The following ZNF527 variants were observed in gnomAD, a reference collection of about 807,000 sequenced individuals.
The protein encoded by ZNF527 is zinc finger protein 527.
In ZNF527, 5 loss-of-function variants were observed where a neutral mutation model predicts 13.5. The observed-to-expected ratio is 0.37, with a 90% CI of 0.19 to 0.78. The LOEUF is 0.78. Ranked by LOEUF, ZNF527 falls within the 30% of genes least tolerant of loss-of-function variation. The probability of loss-of-function intolerance (pLI) is 0.48; values close to 1 mark genes in which losing one functional copy is unlikely to be tolerated. For synonymous variants in ZNF527, 209 were observed against 243.1 expected (o/e 0.86, Z 1.30); for missense variants, 628 against 726.4 (o/e 0.86, Z 1.56).
At chr19:37,375,446 C>G (rs946266297) in intron 2 of ZNF527, among the ~76,000 whole-genome samples, 2 of 150,678 alleles carry the variant, frequency 1.3e-5, no homozygotes, top group African/African-American at 4.9e-5. Flanking sequence ...ACTGCAGCCT[C>G]TGCCTCCTGG....
intron 1 of ZNF527, 122 bp from the exon 2 acceptor site, chr19:37,374,036 C>A: frequency 1.5e-6 from 1 of 689,142 alleles, no homozygotes; most frequent in South Asian, 1.6e-5. Flanking sequence ...CTGGCCAGAT[C>A]TTGGAAAAGG....
At chr19:37,373,185 A>G (rs1341948291) in intron 1 of ZNF527, among the ~76,000 whole-genome samples, 1 of 152,198 alleles carries the variant, frequency 6.6e-6, no homozygotes, top group Non-Finnish European at 1.5e-5. Flanking sequence ...ACACAATGAG[A>G]TAACCATGTG....
rs371203379 is a variant in ZNF527 at position 37,389,023 on chromosome 19, T to A, written c.974T>A (p.Ile325Asn). Reference sequence around the variant, plus strand: ...CTCAGTGAACATCAAAGAACTCATATTGGGGAGAAACCTTATGAATGTAAG... The same window carrying A: ...CTCAGTGAACATCAAAGAACTCATAATGGGGAGAAACCTTATGAATGTAAG... ...FFLSEHQRTH[I>N]GEKPYECKEC... is the part of the protein sequence containing the mutation. The change falls in exon 5 of 5, where the codon ATT becomes AAT. Residue 325 changes from isoleucine (I) to asparagine (N), a missense_variant. This residue lies in a region of ZNF527 where 592 missense variants were observed against 678.0 expected (regional missense o/e 0.87). Coordinates refer to ENST00000436120, the MANE Select transcript of ZNF527 (RefSeq NM_032453.2). The A allele has an allele frequency of 1.2e-6, 2 of 1,614,068 alleles. No homozygotes were observed. The highest frequency in any genetic ancestry group is 4.5e-5 in the East Asian group (2 of 44,898).
rs778569998 is a variant in ZNF527 at position 37,389,626 on chromosome 19, A to G, written c.1577A>G (p.Tyr526Cys). The stretch of plus-strand genomic sequence containing the variant: ...AGAAGTCATGCAGGAGAGAAACCCT[A>G]TGAATGTAACAAATGTGGAAAGGCC... ...HKRSHAGEKP[Y>C]ECNKCGKAFS... The change falls in exon 5 of 5, where the codon TAT becomes TGT. Residue 526 changes from tyrosine (Y) to cysteine (C), a missense_variant. Around this residue, in one of 3 missense-constraint regions of ZNF527, gnomAD observed 592 missense variants for 678.0 expected, o/e 0.87. Transcript: ENST00000436120. The G allele has an allele frequency of 1.9e-6, 3 of 1,614,152 alleles. No individual in the cohort carries two copies. The highest frequency in any genetic ancestry group is 3.3e-5 in the Admixed American group (2 of 60,024).
Position 37,390,860 on chromosome 19 carries a change from A to C in ZNF527, c.*981A>C, listed in dbSNP as rs925986300. On this transcript the variant is annotated 3_prime_UTR_variant, in exon 5 of 5. Transcript: ENST00000436120. ...ACATAAAAGAAAGCCTTAATTTTTT[A>C]CGTGGCATAATTATTTATCCTGAGG... 6.6e-6 allele frequency: 1 copy of C among 152,224 alleles called. No individual in the cohort carries two copies. Among genetic ancestry groups the C allele is most frequent in the African/African-American group, 2.4e-5 (1 of 41,458 alleles). The allele number at this position is 152,224 out of a possible 1,614,324, so 9.4% of individuals were successfully genotyped here. A position where few individuals can be genotyped will look rare whatever the true frequency, so the allele number is the denominator to read the frequency against.
intron 4 of ZNF527, among the ~76,000 whole-genome samples, chr19:37,387,510 A>G (rs1568697073): frequency 1.3e-5 from 2 of 152,316 alleles, no homozygotes; most frequent in East Asian, 3.9e-4. Flanking sequence ...GGTACTTCAG[A>G]CCTACTAATA....
At position 37,375,290 on chromosome 19, in the gene ZNF527, C is replaced by CT. The variant is rs375484749; in HGVS notation, c.33+1062dup. Among the ~76,000 whole-genome samples, 381 of 112,388 alleles carry CT rather than the reference C, an allele frequency of 3.4e-3. 1 individual carries two copies. The highest frequency in any genetic ancestry group is 8.4e-3 in the Middle Eastern group (2 of 238). The allele number at this position is 112,388 out of a possible 152,430, so 73.7% of individuals were successfully genotyped here. On this transcript the variant is annotated intron_variant, in intron 2 of 4. Coordinates refer to ENST00000436120, the MANE Select transcript of ZNF527 (RefSeq NM_032453.2). The stretch of plus-strand genomic sequence containing the variant: ...TCTTTCTTTCTTTCTTTCTTTCTTT[C>CT]TTTCTTTCTTTCTTTCTTTCTTTTC...
intron 1 of ZNF527, among the ~76,000 whole-genome samples, chr19:37,371,675 G>A (rs541333459): frequency 9.2e-4 from 140 of 152,312 alleles, no homozygotes; most frequent in African/African-American, 3.3e-3. Context: ...CGCAGGTATA[G>A]TTTTGTATCA....
At chr19:37,386,043 T>A (rs1331958729) in intron 4 of ZNF527, among the ~76,000 whole-genome samples, 2 of 152,106 alleles carry the variant, frequency 1.3e-5, no homozygotes, top group African/African-American at 4.8e-5. Flanking sequence ...TTTCCCCTGT[T>A]TTTCTGTTGT....
intron 4 of ZNF527, 53 bp from the exon 5 acceptor site, chr19:37,388,249 TTTTC>T: frequency 6.4e-7 from 1 of 1,561,064 alleles, no homozygotes; most frequent in Non-Finnish European, 8.6e-7. Context: ...TCTCTAACAA[TTTTC>T]TTCCTCATAG....
At chr19:37,382,730 A>T (rs1362958090) in intron 4 of ZNF527, among the ~76,000 whole-genome samples, 1 of 152,144 alleles carries the variant, frequency 6.6e-6, no homozygotes, top group Non-Finnish European at 1.5e-5. Flanking sequence ...TTTGTTTGAG[A>T]TGGAGTCTCG....
intron 2 of ZNF527, among the ~76,000 whole-genome samples, chr19:37,375,315 C>CTTTTT (rs1243704674): frequency 1.3e-5 from 1 of 78,608 alleles, no homozygotes; most frequent in Non-Finnish European, 2.7e-5. Context: ...TCTTTCTTTT[C>CTTTTT]TTTCTTTCTT....
At position 37,390,095 on chromosome 19, in the gene ZNF527, C is replaced by T; in HGVS notation, c.*216C>T. On this transcript the variant is annotated 3_prime_UTR_variant, in exon 5 of 5. Transcript: ENST00000436120. Reference sequence around the variant, plus strand: ...CCAGGCTGGAGTGCAGTGGTGTAATCTTGGCTCACTGCAGCCTCTGCCTCC... The same window carrying T: ...CCAGGCTGGAGTGCAGTGGTGTAATTTTGGCTCACTGCAGCCTCTGCCTCC... 2.3e-6 allele frequency: 1 copy of T among 438,210 alleles called. No individual in the cohort carries two copies. Among genetic ancestry groups the T allele is most frequent in the Non-Finnish European group, 3.8e-6 (1 of 260,716 alleles). The allele number at this position is 438,210 out of a possible 1,614,324, so 27.1% of individuals were successfully genotyped here.
intron 4 of ZNF527, among the ~76,000 whole-genome samples, chr19:37,386,916 A>G (rs565144661): frequency 2.0e-4 from 30 of 152,252 alleles, no homozygotes; most frequent in African/African-American, 6.5e-4. Context: ...ATTTCTAGGG[A>G]AAGAATGAAT....
chr19:37,376,317 A>T (rs1272993749), intron 2 of ZNF527, among the ~76,000 whole-genome samples: 1 of 152,080 alleles, frequency 6.6e-6, no homozygotes, highest in Non-Finnish European at 1.5e-5. Flanking sequence ...TGTGGTACAC[A>T]TTACAGCCTG....
intron 4 of ZNF527, among the ~76,000 whole-genome samples, chr19:37,386,927 G>A (rs1308823170): frequency 6.6e-6 from 1 of 152,004 alleles, no homozygotes; most frequent in Non-Finnish European, 1.5e-5. Context: ...AAGAATGAAT[G>A]GTATGGACCT....
At position 37,389,388 on chromosome 19, in the gene ZNF527, T is replaced by G; in HGVS notation, c.1339T>G (p.Cys447Gly). 1 of 1,614,224 alleles carries G rather than the reference T, an allele frequency of 6.2e-7. No individual in the cohort carries two copies. Among genetic ancestry groups the G allele is most frequent in the Non-Finnish European group, 8.5e-7 (1 of 1,180,036 alleles). ...AGAGAAACCCTTCAAATGTAGTGAA[T>G]GTGGGAAGACCTTTGGCTATCGCTC... ...TGEKPFKCSE[C>G]GKTFGYRSHL... The change falls in exon 5 of 5, where the codon TGT becomes GGT. Residue 447 changes from cysteine (C) to glycine (G), a missense_variant. This residue lies in a region of ZNF527 where 592 missense variants were observed against 678.0 expected (regional missense o/e 0.87). Transcript: ENST00000436120.
chr19:37,391,667 A>G lies in ZNF527; in HGVS notation c.*1788A>G, dbSNP rs920012037. The G allele has an allele frequency of 6.6e-6, 1 of 152,186 alleles. No individual in the cohort carries two copies. The highest frequency in any genetic ancestry group is 2.4e-5 in the African/African-American group (1 of 41,476). 9.4% of individuals were successfully genotyped at this position (152,186 alleles called of 1,614,324 possible). The stretch of plus-strand genomic sequence containing the variant: ...TTCTTTGCAGCTAGAGATATCAAAC[A>G]AAGATATTGCTGGCAGAAAGAATGA... On this transcript the variant is annotated 3_prime_UTR_variant, in exon 5 of 5. Transcript: ENST00000436120.
At chr19:37,379,959 T>G (rs2040639903) in intron 3 of ZNF527, 1 of 216,246 alleles carries the variant, frequency 4.6e-6, no homozygotes, top group African/African-American at 2.3e-5. Flanking sequence ...ATGATCCTGA[T>G]GTCTGTTAAA....
Sources: allele counts gnomAD v4.1 joint callset (sites outside exome capture counted in the v4.1 genomes callset), GRCh38; gene constraint gnomAD v4.1.1; regional missense constraint gnomAD v4.1.1; transcripts MANE v1.5; gene names NCBI Gene and HGNC (gene_info 2026-07-23, HGNC 2026-07-21).